Variants in PRKAR1B observed in about 807,000 individuals in gnomAD.
PRKAR1B encodes protein kinase cAMP-dependent type I regulatory subunit beta.
Under a neutral mutation model 46.5 loss-of-function variants are expected in PRKAR1B, and 22 were observed. The ratio of observed to expected loss-of-function variants is 0.47; its 90% CI spans 0.34 to 0.68. The LOEUF is 0.68. Among genes scored for constraint, PRKAR1B ranks in the 30% least tolerant of loss-of-function variants. PRKAR1B has a pLI of 0.01. For synonymous variants in PRKAR1B, 259 were observed against 217.7 expected (o/e 1.19, Z -1.67); for missense variants, 445 against 535.6 (o/e 0.83, Z 1.67).
intron 4 of PRKAR1B, among the ~76,000 whole-genome samples, chr7:672,421 G>C (rs2128502575): frequency 6.6e-6 from 1 of 151,982 alleles, no homozygotes; most frequent in East Asian, 2.0e-4. Context: ...CAGAGTGTTG[G>C]GATTACAGGC....
intron 4 of PRKAR1B, among the ~76,000 whole-genome samples, chr7:617,269 A>T (rs1050287623): frequency 6.8e-6 from 1 of 146,758 alleles, no homozygotes; most frequent in Admixed American, 6.7e-5. Flanking sequence ...CTGGGATTAC[A>T]GGTGTGAGGC....
intron 4 of PRKAR1B, among the ~76,000 whole-genome samples, chr7:610,608 C>T (rs1782426204): frequency 1.3e-5 from 2 of 152,196 alleles, no homozygotes; most frequent in South Asian, 4.1e-4. Context: ...GGCCTGAACA[C>T]AAACGTCTCC....
intron 7 of PRKAR1B, among the ~76,000 whole-genome samples, chr7:591,468 G>A (rs1369548453): frequency 5.9e-5 from 9 of 152,236 alleles, no homozygotes; most frequent in African/African-American, 1.4e-4. Flanking sequence ...CCCATGAGTC[G>A]GCTCGGGGGG....
intron 4 of PRKAR1B, among the ~76,000 whole-genome samples, chr7:672,430 G>T (rs1786311924): frequency 6.6e-6 from 1 of 152,028 alleles, no homozygotes; most frequent in Non-Finnish European, 1.5e-5. Context: ...GGGATTACAG[G>T]CATGAGCCAC....
At chr7:701,591 C>T (rs1368939834) in intron 2 of PRKAR1B, among the ~76,000 whole-genome samples, 1 of 152,172 alleles carries the variant, frequency 6.6e-6, no homozygotes, top group Non-Finnish European at 1.5e-5. Context: ...TACTCAAACT[C>T]TGACAAACTA....
intron 1 of PRKAR1B, among the ~76,000 whole-genome samples, chr7:724,051 C>T (rs1372651460): frequency 6.6e-6 from 1 of 152,186 alleles, no homozygotes; most frequent in African/African-American, 2.4e-5. Flanking sequence ...TCACCTCAAT[C>T]ACGTCTGCAA....
chr7:662,799 AC>A (rs1216131111), intron 4 of PRKAR1B, among the ~76,000 whole-genome samples: 4 of 152,106 alleles, frequency 2.6e-5, no homozygotes, highest in Admixed American at 2.6e-4. Flanking sequence ...CTCCTGGGAC[AC>A]CCTCCAAGCA....
At chr7:726,879 G>A in intron 1 of PRKAR1B, 3 of 1,327,340 alleles carry the variant, frequency 2.3e-6, no homozygotes, top group South Asian at 3.8e-5. Context: ...TGGAGGCCCT[G>A]CGGCGCGCGC....
intron 4 of PRKAR1B, among the ~76,000 whole-genome samples, chr7:613,438 A>G (rs544417772): frequency 1.3e-5 from 2 of 152,276 alleles, no homozygotes; most frequent in Non-Finnish European, 2.9e-5. Context: ...AAACACAAAA[A>G]TGTGCTTTTC....
rs530867772 is a variant in PRKAR1B at position 628,235 on chromosome 7, C to G, written c.441-20783G>C. Among the ~76,000 whole-genome samples the G allele has an allele frequency of 5.9e-5, 9 of 152,376 alleles. No individual in the cohort carries two copies. In the South Asian group the frequency reaches 1.7e-3, roughly 28 times the overall value. Reference sequence around the variant, plus strand: ...TGGGCTCTGCGGGCACCGGATCTGCCTCTGCATCCCACAGGCTGGACCCAG... The same window carrying G: ...TGGGCTCTGCGGGCACCGGATCTGCGTCTGCATCCCACAGGCTGGACCCAG... On this transcript the variant is annotated intron_variant, in intron 4 of 10. Transcript: ENST00000537384.
At chr7:687,052 AAGGGTGATCC>A (rs1262980422) in intron 2 of PRKAR1B, among the ~76,000 whole-genome samples, 1 of 152,212 alleles carries the variant, frequency 6.6e-6, no homozygotes, top group Non-Finnish European at 1.5e-5. Flanking sequence ...CTAATTGGAT[AAGGGTGATCC>A]AGGATTACTA....
intron 8 of PRKAR1B, among the ~76,000 whole-genome samples, chr7:580,894 C>T (rs754000290): frequency 6.6e-6 from 1 of 152,142 alleles, no homozygotes; most frequent in Non-Finnish European, 1.5e-5. Flanking sequence ...CTGTCGGCGC[C>T]GTAGGTTGCA....
chr7:711,283 C>G lies in PRKAR1B; in HGVS notation c.177+46G>C, dbSNP rs200802372. 1.8e-3 allele frequency: 2,933 copies of G among 1,606,742 alleles called. 14 individuals are homozygous for G. The highest frequency in any genetic ancestry group is 3.9e-3 in the Middle Eastern group (22 of 5,656). On this transcript the variant is annotated intron_variant, in intron 2 of 10. Transcript: ENST00000537384. The stretch of plus-strand genomic sequence containing the variant: ...GGCTTCCCCGGCTGCCGCCTCTGCC[C>G]CAGGACACGTGCGAAGGGAAGCAGC...
intron 4 of PRKAR1B, among the ~76,000 whole-genome samples, chr7:628,940 C>G (rs77721380): frequency 0.031 from 4,709 of 152,224 alleles, 261 homozygotes; most frequent in African/African-American, 0.11. Flanking sequence ...CAGCCCACGG[C>G]GGGCACTCGT....
intron 5 of PRKAR1B, among the ~76,000 whole-genome samples, chr7:606,602 C>T (rs752535069): frequency 3.3e-5 from 5 of 151,984 alleles, no homozygotes; most frequent in African/African-American, 7.3e-5. Flanking sequence ...CCTGCCACCA[C>T]GCCCAGCTAA....
intron 4 of PRKAR1B, among the ~76,000 whole-genome samples, chr7:664,236 A>G (rs1008699777): frequency 6.6e-6 from 1 of 152,192 alleles, no homozygotes; most frequent in Non-Finnish European, 1.5e-5. Flanking sequence ...GAATGGAGCC[A>G]TGCCAGGACC....
chr7:674,866 A>G (rs1046401100), intron 4 of PRKAR1B, among the ~76,000 whole-genome samples: 3 of 152,180 alleles, frequency 2.0e-5, no homozygotes, highest in Non-Finnish European at 2.9e-5. Flanking sequence ...AACCAGCCAC[A>G]TGCTCTGGAT....
At chr7:698,360 G>A (rs539952621) in intron 2 of PRKAR1B, among the ~76,000 whole-genome samples, 81 of 152,272 alleles carry the variant, frequency 5.3e-4, no homozygotes, top group Non-Finnish European at 1.0e-3. Flanking sequence ...GAGCACAGGC[G>A]AGAGCCCTGC....
chr7:659,086 C>G (rs28548269), intron 4 of PRKAR1B, among the ~76,000 whole-genome samples: 2 of 143,858 alleles, frequency 1.4e-5, no homozygotes, highest in African/African-American at 4.9e-5. Flanking sequence ...TGCAGGACGG[C>G]TCACAAACCA....
Sources: gnomAD v4.1 joint callset for allele counts (sites outside exome capture counted in the v4.1 genomes callset) on GRCh38, gnomAD v4.1.1 for gene constraint, MANE v1.5 for transcripts, NCBI Gene and HGNC (gene_info 2026-07-23, HGNC 2026-07-21) for gene names.